Variants in ASTN2 observed in about 807,000 individuals in gnomAD.
The protein encoded by ASTN2 is astrotactin-2.
ASTN2 carries 54 observed loss-of-function variants against 139.8 expected under a neutral mutation model. That is an observed-to-expected ratio of 0.39 (90% confidence interval 0.31 to 0.48). The LOEUF (loss-of-function observed/expected upper bound fraction) is 0.48. Ranked by LOEUF, ASTN2 falls within the 20% of genes least tolerant of loss-of-function variation. The probability of loss-of-function intolerance (pLI) is 0.95; values close to 1 mark genes in which losing one functional copy is unlikely to be tolerated. For missense variants in ASTN2, 1,565 were observed against 1,725.1 expected (o/e 0.91, Z 1.64); for synonymous variants, 756 against 719.5 (o/e 1.05, Z -0.81).
chr9:116,687,298 A>G, intron 16 of ASTN2: 3 of 988,390 alleles, frequency 3.0e-6, no homozygotes, highest in Non-Finnish European at 3.6e-6. Flanking sequence ...GGCGCCCGGC[A>G]AGGGGTGCTC....
At chr9:116,478,784 G>A (rs7043723) in intron 20 of ASTN2, among the ~76,000 whole-genome samples, 5,201 of 151,994 alleles carry the variant, frequency 0.034, 294 homozygotes, top group African/African-American at 0.12. Context: ...CACGAGGTCA[G>A]GAGTTCGAAC....
At chr9:116,949,678 GA>G (rs1234756868) in intron 10 of ASTN2, among the ~76,000 whole-genome samples, 1 of 152,154 alleles carries the variant, frequency 6.6e-6, no homozygotes, top group Non-Finnish European at 1.5e-5. Flanking sequence ...GCCAGCCTAG[GA>G]AAAACAATAA....
intron 5 of ASTN2, among the ~76,000 whole-genome samples, chr9:117,045,509 C>T (rs533070774): frequency 3.4e-4 from 51 of 152,186 alleles, no homozygotes; most frequent in Non-Finnish European, 6.2e-4. Flanking sequence ...CCCTCTTACA[C>T]CTCAGCTCCT....
At chr9:116,704,382 GC>G (rs563692175) in intron 16 of ASTN2, among the ~76,000 whole-genome samples, 210 of 152,212 alleles carry the variant, frequency 1.4e-3, no homozygotes, top group African/African-American at 4.8e-3. Flanking sequence ...TGATATAATT[GC>G]TTCTCTACCC....
At chr9:116,865,297 C>T (rs540801062) in intron 10 of ASTN2, among the ~76,000 whole-genome samples, 4 of 151,674 alleles carry the variant, frequency 2.6e-5, no homozygotes, top group Non-Finnish European at 4.4e-5. Context: ...GAGGCAAAAC[C>T]CTGTCTCTAC....
chr9:117,191,821 G>A (rs751051283), intron 3 of ASTN2, among the ~76,000 whole-genome samples: 21 of 152,180 alleles, frequency 1.4e-4, no homozygotes, highest in Non-Finnish European at 2.9e-4. Context: ...GTCACTATGC[G>A]GTGGTACTGC....
chr9:116,829,045 T>A (rs1831727148), intron 11 of ASTN2, among the ~76,000 whole-genome samples: 1 of 152,084 alleles, frequency 6.6e-6, no homozygotes, highest in Non-Finnish European at 1.5e-5. Context: ...CCCATGCTCA[T>A]GAATTGGATA....
At chr9:117,016,642 A>AGGTTT (rs1259201416) in intron 6 of ASTN2, among the ~76,000 whole-genome samples, 1 of 21,026 alleles carries the variant, frequency 4.8e-5, no homozygotes, top group Admixed American at 7.5e-4. Context: ...ATATATATAT[A>AGGTTT]TATATATATA....
intron 4 of ASTN2, among the ~76,000 whole-genome samples, chr9:117,123,898 C>G (rs1204283370): frequency 2.6e-5 from 4 of 152,162 alleles, no homozygotes; most frequent in Non-Finnish European, 1.5e-5. Flanking sequence ...ATATTCTTTC[C>G]TCTCATCTCT....
chr9:116,718,540 T>C (rs766890946), intron 16 of ASTN2, among the ~76,000 whole-genome samples: 1 of 152,190 alleles, frequency 6.6e-6, no homozygotes, highest in African/African-American at 2.4e-5. Context: ...AATAGTATTC[T>C]GGTTATGTAT....
intron 10 of ASTN2, among the ~76,000 whole-genome samples, chr9:116,871,249 C>T (rs535826606): frequency 1.3e-5 from 2 of 152,120 alleles, no homozygotes; most frequent in African/African-American, 4.8e-5. Flanking sequence ...CAAAGCGAGA[C>T]TCCGTCTCAA....
chr9:117,103,600 C>A (rs550364849), intron 4 of ASTN2, among the ~76,000 whole-genome samples: 7 of 152,326 alleles, frequency 4.6e-5, no homozygotes, highest in African/African-American at 1.7e-4. Flanking sequence ...GCTCTGCCAG[C>A]CTCGACAGGC....
chr9:116,620,486 G>A, intron 17 of ASTN2, 43 bp from the exon 18 acceptor site: 2 of 1,612,142 alleles, frequency 1.2e-6, no homozygotes, highest in East Asian at 2.2e-5. Flanking sequence ...ATGACAACAG[G>A]GGAGAGATTG....
At position 116,565,253 on chromosome 9, in the gene ASTN2, C is replaced by CAA. The variant is rs1554714066; in HGVS notation, c.3355+53070_3355+53071insTT. Among the ~76,000 whole-genome samples the CAA allele has an allele frequency of 2.5e-4, 28 of 110,146 alleles. No homozygotes were observed. In the East Asian group the frequency reaches 8.0e-3, roughly 31 times the overall value. The allele number at this position is 110,146 out of a possible 152,430, so 72.3% of individuals were successfully genotyped here. ...ACACACACACACACACACACACACACACACATATGCCCCATACTGAGGAGA... is the reference window on the plus strand; with the variant it reads ...ACACACACACACACACACACACACACAAACACATATGCCCCATACTGAGGAGA... On this transcript the variant is annotated intron_variant, in intron 19 of 22. Transcript: ENST00000313400.
At chr9:117,413,312 C>T (rs1588025138) in intron 1 of ASTN2, among the ~76,000 whole-genome samples, 1 of 152,260 alleles carries the variant, frequency 6.6e-6, no homozygotes, top group African/African-American at 2.4e-5. Flanking sequence ...CGTAAAGGTT[C>T]TCACCTGGAA....
intron 19 of ASTN2, among the ~76,000 whole-genome samples, chr9:116,510,910 A>G (rs1387293353): frequency 6.6e-6 from 1 of 152,110 alleles, no homozygotes; most frequent in Admixed American, 6.5e-5. Context: ...GGGTTGAGAC[A>G]ATGGGGTTTT....
intron 1 of ASTN2, among the ~76,000 whole-genome samples, chr9:117,366,532 T>G (rs757413575): frequency 6.6e-6 from 1 of 152,090 alleles, no homozygotes; most frequent in Non-Finnish European, 1.5e-5. Flanking sequence ...CTGACCATGA[T>G]CTTTTCATAA....
At chr9:116,981,970 A>C (rs963522612) in intron 7 of ASTN2, among the ~76,000 whole-genome samples, 1 of 152,218 alleles carries the variant, frequency 6.6e-6, no homozygotes, top group Non-Finnish European at 1.5e-5. Context: ...TTTACTCTTC[A>C]TGTCTCCTGG....
At chr9:117,054,899 C>T (rs1839014516) in intron 5 of ASTN2, among the ~76,000 whole-genome samples, 1 of 152,156 alleles carries the variant, frequency 6.6e-6, no homozygotes, top group Non-Finnish European at 1.5e-5. Context: ...TGAAACTGTT[C>T]CACCTCAGAT....
Sources: allele counts gnomAD v4.1 joint callset (sites outside exome capture counted in the v4.1 genomes callset), GRCh38; gene constraint gnomAD v4.1.1; transcripts MANE v1.5; gene names NCBI Gene and HGNC (gene_info 2026-07-23, HGNC 2026-07-21).